Variants in LPIN1 observed in about 807,000 individuals in gnomAD.
LPIN1 encodes the protein phosphatidate phosphatase LPIN1.
LPIN1 carries 71 observed loss-of-function variants against 107.5 expected under a neutral mutation model. The ratio of observed to expected loss-of-function variants is 0.66; its 90% CI spans 0.55 to 0.80. LPIN1 has a LOEUF of 0.80. Among genes scored for constraint, LPIN1 ranks in the 30% least tolerant of loss-of-function variants. LPIN1 has a pLI of 0.00. For missense variants in LPIN1, 1,043 were observed against 1,160.6 expected (o/e 0.90, Z 1.47); for synonymous variants, 445 against 452.6 (o/e 0.98, Z 0.21).
upstream of LPIN1, among the ~76,000 whole-genome samples, chr2:11,719,815 C>T (rs946035987): frequency 3.2e-5 from 4 of 124,968 alleles, no homozygotes; most frequent in South Asian, 1.1e-3. Context: ...TTTTTTAAAG[C>T]ATGAATCATT....
At chr2:11,815,923 C>G (rs964021967) in intron 18 of LPIN1, among the ~76,000 whole-genome samples, 3 of 152,128 alleles carry the variant, frequency 2.0e-5, no homozygotes, top group African/African-American at 7.2e-5. Flanking sequence ...TAGTTGGAGG[C>G]CCAGGGCAAT....
intron 6 of LPIN1, among the ~76,000 whole-genome samples, chr2:11,778,358 C>T (rs1673010417): frequency 1.3e-5 from 2 of 152,168 alleles, no homozygotes; most frequent in South Asian, 4.1e-4. Flanking sequence ...ACCCTCTGCC[C>T]CTTGGTGTGA....
At chr2:11,703,303 C>T (rs545629653) in intron 1 of LPIN1, among the ~76,000 whole-genome samples, 40 of 152,170 alleles carry the variant, frequency 2.6e-4, no homozygotes, top group Admixed American at 1.4e-3. Context: ...GTAGGGATAG[C>T]GTGGATCTGA....
At chr2:11,791,718 TAA>T (rs1309301235) in intron 12 of LPIN1, 194 bp from the exon 13 acceptor site, 1 of 1,437,026 alleles carries the variant, frequency 7.0e-7, no homozygotes, top group African/African-American at 1.4e-5. Flanking sequence ...TCTTCATGCT[TAA>T]GTTACCTTCA....
In LPIN1 at chr2:11,815,160, C is replaced by T. The variant is rs1386520916; in HGVS notation, c.2322C>T (p.His774=). ...GMADMTRGYL[H]WVNERGTVLP... ...CGGACATGACGCGGGGCTACCTGCACTGGGTCAACGAGAGGGGCACGGTGC... is the reference window on the plus strand; with the variant it reads ...CGGACATGACGCGGGGCTACCTGCATTGGGTCAACGAGAGGGGCACGGTGC... The change falls in exon 18 of 21, where the codon CAC becomes CAT. Residue 774 remains histidine, a synonymous_variant. Coordinates refer to ENST00000674199, the MANE Select transcript of LPIN1 (RefSeq NM_001349206.2). The T allele has an allele frequency of 3.7e-6, 6 of 1,614,230 alleles. No homozygotes were observed. Among genetic ancestry groups the T allele is most frequent in the Non-Finnish European group, 3.4e-6 (4 of 1,180,028 alleles).
chr2:11,773,986 G>T (rs776228707), intron 5 of LPIN1, among the ~76,000 whole-genome samples: 3 of 152,184 alleles, frequency 2.0e-5, no homozygotes, highest in African/African-American at 7.2e-5. Context: ...AGGTGAACTT[G>T]AAAGGAAAAA....
At chr2:11,679,113 C>T (rs1661577087) in intron 1 of LPIN1, among the ~76,000 whole-genome samples, 1 of 152,228 alleles carries the variant, frequency 6.6e-6, no homozygotes, top group Non-Finnish European at 1.5e-5. Context: ...ACTCTCTCGC[C>T]AGCCTGAGAC....
chr2:11,773,575 A>G (rs1558870756), intron 4 of LPIN1, 45 bp from the exon 5 acceptor site: 5 of 1,556,974 alleles, frequency 3.2e-6, no homozygotes, highest in African/African-American at 1.4e-5. Flanking sequence ...TTATGAATCT[A>G]TCATTAAGAA....
chr2:11,783,768 C>G, intron 8 of LPIN1, 61 bp from the exon 9 acceptor site: 2 of 1,361,762 alleles, frequency 1.5e-6, no homozygotes, highest in Non-Finnish European at 2.1e-6. Flanking sequence ...TCTATAGATA[C>G]AAGGCCATGA....
At chr2:11,822,492 T>C (rs562858986) in intron 20 of LPIN1, among the ~76,000 whole-genome samples, 1 of 150,168 alleles carries the variant, frequency 6.7e-6, no homozygotes, top group African/African-American at 2.4e-5. Context: ...CTCACAATCA[T>C]GGTCAAAGGA....
chr2:11,782,473 AGCAAACAAGACG>A lies in LPIN1; in HGVS notation c.1232_1243del (p.Ala411_Thr414del). ...CCCCCTCTGCCAGTGTAGTCCAGAC[AGCAAACAAGACG>A]GATTCTCCTTCCAGGAAAAGAGGTA... On this transcript the variant is annotated inframe_deletion, in exon 8 of 21. Coordinates refer to ENST00000674199, the MANE Select transcript of LPIN1 (RefSeq NM_001349206.2). The A allele has an allele frequency of 6.2e-7, 1 of 1,614,190 alleles. No individual in the cohort carries two copies. The highest frequency in any genetic ancestry group is 1.1e-5 in the South Asian group (1 of 91,082).
At chr2:11,770,586 G>A (rs756383249) in intron 3 of LPIN1, among the ~76,000 whole-genome samples, 4 of 152,194 alleles carry the variant, frequency 2.6e-5, no homozygotes, top group Admixed American at 6.5e-5. Flanking sequence ...CATGTCTGAT[G>A]CTCTCCAAAC....
intron 8 of LPIN1, among the ~76,000 whole-genome samples, chr2:11,783,138 G>T (rs1417099324): frequency 6.6e-6 from 1 of 152,174 alleles, no homozygotes; most frequent in African/African-American, 2.4e-5. Context: ...GCAGCTTCGT[G>T]TGGTTTTCTA....
intron 18 of LPIN1, chr2:11,819,139 C>T (rs1681107200): frequency 3.8e-6 from 1 of 260,902 alleles, no homozygotes; most frequent in African/African-American, 2.3e-5. Context: ...TTTGCCCATA[C>T]TTTCTTTTTT....
At chr2:11,757,208 T>A (rs1668818086) in intron 1 of LPIN1, among the ~76,000 whole-genome samples, 4 of 151,776 alleles carry the variant, frequency 2.6e-5, no homozygotes, top group Admixed American at 2.6e-4. Context: ...GCCGTTCCAC[T>A]GGAAATTGAA....
intron 1 of LPIN1, among the ~76,000 whole-genome samples, chr2:11,694,857 C>T (rs1662491348): frequency 6.6e-6 from 1 of 152,112 alleles, no homozygotes; most frequent in Admixed American, 6.5e-5. Flanking sequence ...GAATCCTCAC[C>T]ACTACGTTAA....
intron 6 of LPIN1, 103 bp from the exon 7 acceptor site, chr2:11,779,416 C>T (rs1673191562): frequency 8.1e-7 from 1 of 1,238,796 alleles, no homozygotes; most frequent in African/African-American, 1.5e-5. Flanking sequence ...CGAACGACAG[C>T]TGGGGGTGCA....
chr2:11,768,047 C>T (rs1266052012), intron 3 of LPIN1, among the ~76,000 whole-genome samples, 189 bp downstream of exon 3: 1 of 152,132 alleles, frequency 6.6e-6, no homozygotes, highest in Non-Finnish European at 1.5e-5. Context: ...GCTGAGTCCA[C>T]ACAGACTCAG....
chr2:11,804,247 C>G (rs1678259637), intron 15 of LPIN1, among the ~76,000 whole-genome samples, 176 bp from the exon 16 acceptor site: 1 of 152,110 alleles, frequency 6.6e-6, no homozygotes, highest in Admixed American at 6.5e-5. Context: ...TTTGCCTGTC[C>G]AGCCCCGGAA....
Sources: gnomAD v4.1 joint callset for allele counts (sites outside exome capture counted in the v4.1 genomes callset) on GRCh38, gnomAD v4.1.1 for gene constraint, MANE v1.5 for transcripts, NCBI Gene and HGNC (gene_info 2026-07-23, HGNC 2026-07-21) for gene names.